RANBP17: variants seen among roughly 807,000 people sequenced by gnomAD.
RANBP17 encodes the protein RAN binding protein 17, also known as ran-binding protein 17.
RANBP17 carries 158 observed loss-of-function variants against 141.2 expected under a neutral mutation model. That is an observed-to-expected ratio of 1.12 (90% CI 0.98 to 1.28). The LOEUF (loss-of-function observed/expected upper bound fraction) is 1.28, where lower values mean the gene tolerates loss of function less well. Among genes scored for constraint, RANBP17 ranks in the 50% most tolerant of loss-of-function variants. RANBP17 has a pLI of 0.00. For synonymous variants in RANBP17, 430 were observed against 450.0 expected (o/e 0.96, Z 0.56); for missense variants, 1,438 against 1,290.7 (o/e 1.11, Z -1.75).
At chr5:171,238,110 C>T (rs1323632002) in intron 22 of RANBP17, among the ~76,000 whole-genome samples, 1 of 152,130 alleles carries the variant, frequency 6.6e-6, no homozygotes, top group African/African-American at 2.4e-5. Context: ...TTTCCTATTT[C>T]AGAAGTATTC....
At chr5:171,173,043 T>C (rs1760210071) in intron 16 of RANBP17, among the ~76,000 whole-genome samples, 2 of 152,000 alleles carry the variant, frequency 1.3e-5, no homozygotes. Flanking sequence ...TTAGCAATTA[T>C]TTCAGGTTTG....
At chr5:171,124,174 A>G (rs1210285350) in intron 14 of RANBP17, among the ~76,000 whole-genome samples, 1 of 152,158 alleles carries the variant, frequency 6.6e-6, no homozygotes, top group African/African-American at 2.4e-5. Flanking sequence ...ATGGCACAAC[A>G]TCGTGAAACC....
intron 14 of RANBP17, among the ~76,000 whole-genome samples, chr5:171,108,011 C>T (rs998016121): frequency 4.6e-5 from 7 of 152,150 alleles, no homozygotes; most frequent in Non-Finnish European, 7.3e-5. Flanking sequence ...GGAATTGTAG[C>T]AGAATGTTCT....
At chr5:170,914,770 G>C (rs937878096) in intron 8 of RANBP17, among the ~76,000 whole-genome samples, 2 of 152,048 alleles carry the variant, frequency 1.3e-5, no homozygotes, top group African/African-American at 2.4e-5. Context: ...AAAAGTTCTT[G>C]ATACTCTGTA....
chr5:170,934,618 T>C (rs1773699039), intron 12 of RANBP17, among the ~76,000 whole-genome samples: 1 of 152,256 alleles, frequency 6.6e-6, no homozygotes, highest in African/African-American at 2.4e-5. Context: ...TCTTGAAGAA[T>C]GTTGAATATT....
chr5:171,010,062 A>C (rs1329772653), intron 14 of RANBP17, among the ~76,000 whole-genome samples: 3 of 152,188 alleles, frequency 2.0e-5, no homozygotes, highest in Non-Finnish European at 2.9e-5. Flanking sequence ...ATTGAGAGTG[A>C]TCCCAGAAAG....
chr5:170,993,362 T>G (rs1242762582), intron 14 of RANBP17, among the ~76,000 whole-genome samples: 1 of 152,086 alleles, frequency 6.6e-6, no homozygotes. Flanking sequence ...TCCTGGCATT[T>G]TACATGTATT....
intron 21 of RANBP17, among the ~76,000 whole-genome samples, chr5:171,219,752 T>C (rs532791883): frequency 5.3e-5 from 8 of 152,120 alleles, no homozygotes; most frequent in African/African-American, 1.4e-4. Flanking sequence ...AGGTCATTTA[T>C]GTTCTTCTCT....
At chr5:170,985,324 C>A (rs1026391467) in intron 14 of RANBP17, among the ~76,000 whole-genome samples, 3 of 152,060 alleles carry the variant, frequency 2.0e-5, no homozygotes, top group Non-Finnish European at 4.4e-5. Flanking sequence ...TTAATAAATA[C>A]GTGTTGTTAA....
intron 14 of RANBP17, among the ~76,000 whole-genome samples, chr5:171,068,016 A>C (rs1784410359): frequency 6.6e-6 from 1 of 151,928 alleles, no homozygotes; most frequent in South Asian, 2.1e-4. Flanking sequence ...CATAATGTGT[A>C]AGTTGGTATG....
rs1756049234 is a variant in RANBP17 at position 171,121,726 on chromosome 5, T to TG, written c.1711-48403dup. ...CTGCCACTCCTGGGACCAGGCTCCA[T>TG]GCAACTAGGTTTGTGGTGTTCAGCC... On this transcript the variant is annotated intron_variant, in intron 14 of 27. Transcript: ENST00000523189. 2.0e-5 allele frequency among the ~76,000 whole-genome samples: 3 copies of TG among 152,256 alleles called. No homozygotes were observed. In the East Asian group the frequency reaches 5.8e-4, roughly 29 times the overall value.
Position 170,911,091 on chromosome 5 carries a change from AGAT to A in RANBP17, c.721_723del (p.Asp241del), listed in dbSNP as rs754476736. On this transcript the variant is annotated inframe_deletion, in exon 7 of 28. Transcript: ENST00000523189. ...TTGGCAGTTCAGCAGATGAATCTGC[AGAT>A]GATCTTTGCACGGTGCAGATTCCAA... 1 of 1,611,864 alleles carries A rather than the reference AGAT, an allele frequency of 6.2e-7. No individual in the cohort carries two copies. Among genetic ancestry groups the A allele is most frequent in the South Asian group, 1.1e-5 (1 of 91,012 alleles).
At chr5:171,102,803 A>C (rs779402234) in intron 14 of RANBP17, among the ~76,000 whole-genome samples, 1 of 146,312 alleles carries the variant, frequency 6.8e-6, no homozygotes, top group African/African-American at 2.5e-5. Context: ...TTTTTTTTTT[A>C]TGTTGATGCT....
In RANBP17 at chr5:170,953,095, C is replaced by T. The variant is rs189189588; in HGVS notation, c.1469-502C>T. The stretch of plus-strand genomic sequence containing the variant: ...AAATACAGAAGGAACAAATTTATTA[C>T]TATCTATTATGTTCCAAGCAGGGGA... On this transcript the variant is annotated intron_variant, in intron 12 of 27. Transcript: ENST00000523189. Among the ~76,000 whole-genome samples the T allele has an allele frequency of 1.4e-4, 22 of 152,122 alleles. 1 individual carries two copies. In the East Asian group the frequency reaches 4.1e-3, roughly 28 times the overall value.
At chr5:171,109,890 A>G (rs956792733) in intron 14 of RANBP17, among the ~76,000 whole-genome samples, 1 of 152,126 alleles carries the variant, frequency 6.6e-6, no homozygotes, top group Non-Finnish European at 1.5e-5. Flanking sequence ...ATAGGTATTA[A>G]CATGATGATA....
chr5:171,158,553 A>G (rs555958336), intron 14 of RANBP17: 141 of 176,486 alleles, frequency 8.0e-4, no homozygotes, highest in Non-Finnish European at 1.4e-3. Flanking sequence ...AAATTTTGAA[A>G]TGTGCTAAAC....
intron 14 of RANBP17, among the ~76,000 whole-genome samples, chr5:170,977,083 A>G (rs1001383887): frequency 1.3e-5 from 2 of 152,134 alleles, no homozygotes; most frequent in African/African-American, 2.4e-5. Flanking sequence ...AGATATTTGC[A>G]TATCATATAT....
At chr5:170,951,156 T>C (rs1445924829) in intron 12 of RANBP17, among the ~76,000 whole-genome samples, 1 of 152,014 alleles carries the variant, frequency 6.6e-6, no homozygotes, top group Non-Finnish European at 1.5e-5. Flanking sequence ...AGTTCTAATG[T>C]TTGATAGAGT....
At chr5:171,052,514 C>A (rs1219889721) in intron 14 of RANBP17, among the ~76,000 whole-genome samples, 8 of 152,110 alleles carry the variant, frequency 5.3e-5, no homozygotes, top group African/African-American at 1.9e-4. Context: ...GCACCATAGT[C>A]AAAAAATCAT....
Sources: gnomAD v4.1 joint callset for allele counts (sites outside exome capture counted in the v4.1 genomes callset) on GRCh38, gnomAD v4.1.1 for gene constraint, MANE v1.5 for transcripts, NCBI Gene and HGNC (gene_info 2026-07-23, HGNC 2026-07-21) for gene names.